PRDM16: variants seen among roughly 807,000 people sequenced by gnomAD.
PRDM16 encodes PR/SET domain 16, also known as histone-lysine N-methyltransferase PRDM16.
In PRDM16, 23 loss-of-function variants were observed where a neutral mutation model predicts 110.6. The ratio of observed to expected loss-of-function variants is 0.21; its 90% CI spans 0.15 to 0.29. The LOEUF is 0.29. Ranked by LOEUF, PRDM16 falls within the 10% of genes least tolerant of loss-of-function variation. The pLI is 1.00. For missense variants in PRDM16, 1,615 were observed against 1,794.3 expected (o/e 0.90, Z 1.81); for synonymous variants, 799 against 781.8 (o/e 1.02, Z -0.37).
rs1290927668 is a variant in PRDM16 at position 3,244,543 on chromosome 1, A to G, written c.438+406A>G. ...GGAAGAATTGGCTGCAGATTCAACAAAGCCTTTGCTGCACTCGTAGCTTCC... is the reference window on the plus strand; with the variant it reads ...GGAAGAATTGGCTGCAGATTCAACAGAGCCTTTGCTGCACTCGTAGCTTCC... On this transcript the variant is annotated intron_variant, in intron 3 of 16. Coordinates refer to ENST00000270722, the MANE Select transcript of PRDM16 (RefSeq NM_022114.4). The surrounding 1 kb of genome is among the most constrained non-coding windows in gnomAD (Gnocchi z 4.1). 2.0e-5 allele frequency among the ~76,000 whole-genome samples: 3 copies of G among 152,224 alleles called. No individual in the cohort carries two copies. Among genetic ancestry groups the G allele is most frequent in the Admixed American group, 6.5e-5 (1 of 15,288 alleles).
rs748041218 is a variant in PRDM16, at chr1:3,411,878, G to C, written c.1681G>C (p.Ala561Pro). 1 of 1,612,754 alleles carries C rather than the reference G, an allele frequency of 6.2e-7. No individual in the cohort carries two copies. The highest frequency in any genetic ancestry group is 1.7e-4 in the Middle Eastern group (1 of 6,056). The change falls in exon 9 of 17, where the codon GCC (alanine) becomes CCC (proline). Residue 561 changes from alanine to proline, a missense_variant. Physicochemically the swap from Ala to Pro is conservative, Grantham distance 27. This residue lies in a region of PRDM16 where 772 missense variants were observed against 748.3 expected (regional missense o/e 1.03). Coordinates refer to ENST00000270722, the MANE Select transcript of PRDM16 (RefSeq NM_022114.4). ...GAACCCAGCCCTGCCCCTGGTCTCCGCCGTCAGCAACAGCAGCCAGGGCAC... is the reference window on the plus strand; with the variant it reads ...GAACCCAGCCCTGCCCCTGGTCTCCCCCGTCAGCAACAGCAGCCAGGGCAC... The part of the protein sequence containing the change: ...LGNPALPLVS[A>P]VSNSSQGTTA...
chr1:3,074,592 C>T (rs1342975951), intron 1 of PRDM16, among the ~76,000 whole-genome samples: 2 of 152,238 alleles, frequency 1.3e-5, no homozygotes, highest in African/African-American at 2.4e-5. Flanking sequence ...TCCCCCACAG[C>T]TCCTGCCCCT....
intron 2 of PRDM16, among the ~76,000 whole-genome samples, chr1:3,186,906 G>T (rs1489732798): frequency 6.6e-6 from 1 of 152,178 alleles, no homozygotes; most frequent in South Asian, 2.1e-4. Context: ...ACGCTGCCCC[G>T]GCTGCCGTCT....
chr1:3,412,036 C>T lies in PRDM16; in HGVS notation c.1839C>T (p.Thr613=), dbSNP rs549179676. 3.8e-5 allele frequency: 61 copies of T among 1,612,758 alleles called. No individual in the cohort carries two copies. The highest frequency in any genetic ancestry group is 2.4e-4 in the South Asian group (22 of 91,024). ...AGGACGTCAACACCACCACGGGGAC[C>T]GACCTGGACACGACCACGGGGACGG... The part of the protein sequence containing the change: ...DFEDVNTTTG[T]DLDTTTGTGS... The change falls in exon 9 of 17, where the codon ACC becomes ACT. Residue 613 remains threonine (T), a synonymous_variant. Coordinates refer to ENST00000270722, the MANE Select transcript of PRDM16 (RefSeq NM_022114.4).
chr1:3,231,292 C>G (rs903973590), intron 2 of PRDM16, among the ~76,000 whole-genome samples: 6 of 152,224 alleles, frequency 3.9e-5, no homozygotes, highest in Admixed American at 3.9e-4. Context: ...CGGGTGGTTA[C>G]GTCTTGAGCG....
intron 3 of PRDM16, among the ~76,000 whole-genome samples, chr1:3,298,549 C>T (rs1641139709): frequency 6.6e-6 from 1 of 152,208 alleles, no homozygotes; most frequent in African/African-American, 2.4e-5. Flanking sequence ...GCCTTTGTGT[C>T]CCCACAGCAC....
chr1:3,174,305 A>G (rs1257350524), intron 1 of PRDM16, among the ~76,000 whole-genome samples: 2 of 152,202 alleles, frequency 1.3e-5, no homozygotes, highest in Admixed American at 1.3e-4. Flanking sequence ...CCTCACCTGA[A>G]CTTGATTACC....
At chr1:3,278,639 C>G (rs1191543602) in intron 3 of PRDM16, among the ~76,000 whole-genome samples, 1 of 152,194 alleles carries the variant, frequency 6.6e-6, no homozygotes, top group Non-Finnish European at 1.5e-5. Flanking sequence ...AGCCAGGACA[C>G]CCGGCAGCCA....
At chr1:3,310,101 A>G (rs1460213084) in intron 3 of PRDM16, 3 of 152,224 alleles carry the variant, frequency 2.0e-5, no homozygotes, top group Non-Finnish European at 2.9e-5. Flanking sequence ...TTTTAAAACA[A>G]AAAGTCAACA....
intron 3 of PRDM16, among the ~76,000 whole-genome samples, chr1:3,261,695 C>CA (rs1640167727): frequency 6.6e-6 from 1 of 152,176 alleles, no homozygotes; most frequent in African/African-American, 2.4e-5. Flanking sequence ...CCCCTGGAGC[C>CA]AGACCCCCAG....
At chr1:3,407,760 G>T (rs1278540486) in intron 8 of PRDM16, among the ~76,000 whole-genome samples, 1 of 152,220 alleles carries the variant, frequency 6.6e-6, no homozygotes, top group Non-Finnish European at 1.5e-5. Flanking sequence ...GGAGCCCACT[G>T]TTCCCACCAC....
intron 1 of PRDM16, among the ~76,000 whole-genome samples, chr1:3,127,255 C>T (rs566636777): frequency 3.1e-4 from 47 of 152,340 alleles, no homozygotes; most frequent in African/African-American, 1.1e-3. Flanking sequence ...CAGCCTGTTA[C>T]GATTTGGCAT....
At chr1:3,251,493 A>G (rs1486155335) in intron 3 of PRDM16, among the ~76,000 whole-genome samples, 1 of 152,152 alleles carries the variant, frequency 6.6e-6, no homozygotes, top group African/African-American at 2.4e-5. Flanking sequence ...CCCAGCGACC[A>G]GGGTAGGGGG....
At chr1:3,194,184 C>T (rs536782494) in intron 2 of PRDM16, among the ~76,000 whole-genome samples, 48 of 152,362 alleles carry the variant, frequency 3.2e-4, no homozygotes, top group South Asian at 6.2e-4. Context: ...CCTTCTGCAA[C>T]GCTCAGTGCA....
At chr1:3,378,910 G>C (rs1013269930) in intron 3 of PRDM16, among the ~76,000 whole-genome samples, 1 of 151,990 alleles carries the variant, frequency 6.6e-6, no homozygotes, top group African/African-American at 2.4e-5. Flanking sequence ...CCCTCCTTCA[G>C]GAGTTCCCAG....
chr1:3,296,430 G>A (rs1641090855), intron 3 of PRDM16, among the ~76,000 whole-genome samples: 1 of 152,254 alleles, frequency 6.6e-6, no homozygotes, highest in Admixed American at 6.5e-5. Context: ...CGGGGGCAGA[G>A]GTAGGAATGG....
intron 12 of PRDM16, among the ~76,000 whole-genome samples, chr1:3,421,905 C>T (rs1255490414): frequency 6.6e-6 from 1 of 150,764 alleles, no homozygotes; most frequent in East Asian, 2.0e-4. Context: ...GATAGGCAGG[C>T]AAACAGACAG....
At chr1:3,145,881 G>A (rs1233623663) in intron 1 of PRDM16, among the ~76,000 whole-genome samples, 1 of 152,196 alleles carries the variant, frequency 6.6e-6, no homozygotes, top group Non-Finnish European at 1.5e-5. Context: ...CCCAGCAGGT[G>A]GGCAGCCCGG....
chr1:3,134,032 G>T (rs1643386753), intron 1 of PRDM16, among the ~76,000 whole-genome samples: 1 of 152,220 alleles, frequency 6.6e-6, no homozygotes, highest in African/African-American at 2.4e-5. Context: ...AGGTCAGGCA[G>T]CGCGTCCAGT....
Sources: allele counts gnomAD v4.1 joint callset (sites outside exome capture counted in the v4.1 genomes callset), GRCh38; gene constraint gnomAD v4.1.1; regional missense constraint gnomAD v4.1.1; non-coding constraint Gnocchi (gnomAD v3.1); transcripts MANE v1.5; gene names NCBI Gene and HGNC (gene_info 2026-07-23, HGNC 2026-07-21).